PAXBP1: variants seen among roughly 807,000 people sequenced by gnomAD.
PAXBP1 encodes PAX3- and PAX7-binding protein 1.
Under a neutral mutation model 119.9 loss-of-function variants are expected in PAXBP1, and 44 were observed. The ratio of observed to expected loss-of-function variants is 0.37; its 90% confidence interval spans 0.29 to 0.47. The LOEUF is 0.47. PAXBP1 is among the 20% of genes least tolerant of loss of function. The probability of loss-of-function intolerance (pLI) is 0.99; values close to 1 mark genes in which losing one functional copy is unlikely to be tolerated. For missense variants in PAXBP1, 898 were observed against 1,134.1 expected (o/e 0.79, Z 2.99); for synonymous variants, 393 against 406.6 (o/e 0.97, Z 0.40).
At chr21:32,765,705 AT>A (rs988965767) in intron 2 of PAXBP1, among the ~76,000 whole-genome samples, 5 of 144,404 alleles carry the variant, frequency 3.5e-5, no homozygotes, top group African/African-American at 5.2e-5. Flanking sequence ...AGGCTCTTTC[AT>A]TTTTTTTCTT....
At chr21:32,768,033 C>T (rs1437927339) in intron 2 of PAXBP1, among the ~76,000 whole-genome samples, 2 of 152,130 alleles carry the variant, frequency 1.3e-5, no homozygotes, top group Non-Finnish European at 2.9e-5. Context: ...TATTCATAAC[C>T]AAGACACCCT....
intron 2 of PAXBP1, among the ~76,000 whole-genome samples, chr21:32,766,510 G>C (rs1392445465): frequency 6.6e-6 from 1 of 152,088 alleles, no homozygotes; most frequent in African/African-American, 2.4e-5. Context: ...TACAAAGAGG[G>C]ACAGGCTTCT....
intron 15 of PAXBP1, chr21:32,741,682 G>C (rs973675907): frequency 3.2e-6 from 2 of 632,222 alleles, no homozygotes; most frequent in African/African-American, 3.7e-5. Context: ...GAAAGGCAGA[G>C]GCAAAATTAA....
chr21:32,748,814 C>A, intron 10 of PAXBP1, 116 bp from the exon 11 acceptor site: 1 of 808,442 alleles, frequency 1.2e-6, no homozygotes, highest in Non-Finnish European at 1.9e-6. Flanking sequence ...CGCTCATTAA[C>A]AAAGGGCCAA....
At chr21:32,753,095 A>G (rs567851480) in intron 8 of PAXBP1, among the ~76,000 whole-genome samples, 9 of 152,282 alleles carry the variant, frequency 5.9e-5, no homozygotes, top group African/African-American at 2.2e-4. Context: ...CAGATGAATT[A>G]GCTAAAATAT....
chr21:32,737,113 A>T (rs575981751), intron 17 of PAXBP1, 141 bp downstream of exon 17: 6 of 662,408 alleles, frequency 9.1e-6, no homozygotes, highest in Non-Finnish European at 1.3e-5. Context: ...ATGAAAAATT[A>T]TGTGCATTTT....
intron 7 of PAXBP1, 140 bp from the exon 8 acceptor site, chr21:32,755,493 A>G (rs537095194): frequency 3.7e-6 from 4 of 1,078,866 alleles, no homozygotes; most frequent in African/African-American, 1.6e-5. Flanking sequence ...GCACACAAGT[A>G]GCAAATTCTG....
chr21:32,771,398 G>C lies in PAXBP1; in HGVS notation c.271C>G (p.Pro91Ala). ...TTGTTCTCGCGAGGCCTCTTGCGCG[G>C]CTTCAGCCCGTTGCCGGGCTCCGCG... is the stretch of plus-strand genomic sequence containing the variant. ...GGAEPGNGLKPRKRPRENKEV... is the reference protein window; with the variant it reads ...GGAEPGNGLKARKRPRENKEV... The change falls in exon 1 of 18, where the codon CCG (proline) becomes GCG (alanine). Residue 91 changes from proline (P) to alanine (A), a missense_variant. Pro to Ala is a conservative substitution (Grantham distance 27). Coordinates refer to ENST00000331923, the MANE Select transcript of PAXBP1 (RefSeq NM_016631.4). 1.9e-6 allele frequency: 3 copies of C among 1,560,326 alleles called. No individual in the cohort carries two copies. The highest frequency in any genetic ancestry group is 1.1e-5 in the South Asian group (1 of 88,144).
chr21:32,761,014 CT>C (rs1345767656), intron 5 of PAXBP1, 44 bp downstream of exon 5: 2 of 1,499,672 alleles, frequency 1.3e-6, no homozygotes, highest in African/African-American at 2.8e-5. Context: ...ATAAAAAAGG[CT>C]TTTTAATCTA....
At chr21:32,767,613 A>C (rs1435807890) in intron 2 of PAXBP1, among the ~76,000 whole-genome samples, 1 of 152,172 alleles carries the variant, frequency 6.6e-6, no homozygotes, top group African/African-American at 2.4e-5. Flanking sequence ...TTCCCGTGCC[A>C]TTCTCATGAC....
intron 15 of PAXBP1, 99 bp downstream of exon 15, chr21:32,743,149 C>T: frequency 1.2e-6 from 1 of 865,202 alleles, no homozygotes; most frequent in East Asian, 2.6e-5. Context: ...ATAAATAGAT[C>T]TAAGCCTATG....
In PAXBP1 at chr21:32,761,122, T is replaced by C; in HGVS notation, c.912A>G (p.Glu304=). ...GSDDDALVTG[E]QDEELSRWEQ... is the part of the protein sequence containing the mutation. ...CCCATCGGCTGAGCTCTTCATCCTG[T>C]TCTCCAGTTACTAAAGCATCATCAT... Residue 304 remains glutamate, a synonymous_variant, in exon 5 of 18, where the codon GAA becomes GAG. Coordinates refer to ENST00000331923, the MANE Select transcript of PAXBP1 (RefSeq NM_016631.4). 1.9e-6 allele frequency: 3 copies of C among 1,614,112 alleles called. No individual in the cohort carries two copies. Among genetic ancestry groups the C allele is most frequent in the East Asian group, 2.2e-5 (1 of 44,884 alleles).
intron 17 of PAXBP1, among the ~76,000 whole-genome samples, chr21:32,736,696 A>G (rs16989710): frequency 0.47 from 70,721 of 151,936 alleles, 16,614 homozygotes; most frequent in African/African-American, 0.52. Flanking sequence ...AATTCCTTCA[A>G]ACTGCCCTAC....
intron 4 of PAXBP1, among the ~76,000 whole-genome samples, chr21:32,761,608 T>G (rs1188661774): frequency 6.6e-6 from 1 of 152,260 alleles, no homozygotes; most frequent in Non-Finnish European, 1.5e-5. Context: ...TAAAATTTAG[T>G]AAGTCTAAAT....
intron 7 of PAXBP1, 193 bp from the exon 8 acceptor site, chr21:32,755,546 T>A: frequency 1.7e-6 from 1 of 573,828 alleles, no homozygotes; most frequent in Non-Finnish European, 2.9e-6. Flanking sequence ...AATCCATGCA[T>A]AGAGCTATAA....
intron 7 of PAXBP1, chr21:32,755,816 T>A (rs2146499926): frequency 6.2e-6 from 1 of 160,108 alleles, no homozygotes; most frequent in South Asian, 1.8e-4. Flanking sequence ...AGAACAAGAG[T>A]CTGCTAATTC....
intron 15 of PAXBP1, chr21:32,741,333 G>C: frequency 2.2e-6 from 1 of 451,392 alleles, no homozygotes; most frequent in Non-Finnish European, 4.0e-6. Flanking sequence ...ACTGACAAGA[G>C]GCAAATTAAC....
At chr21:32,767,296 C>T (rs1021411511) in intron 2 of PAXBP1, among the ~76,000 whole-genome samples, 1 of 152,158 alleles carries the variant, frequency 6.6e-6, no homozygotes, top group Non-Finnish European at 1.5e-5. Flanking sequence ...CAATTAATGA[C>T]AGACCTTCAT....
chr21:32,739,686 C>G (rs1366357927), intron 15 of PAXBP1, among the ~76,000 whole-genome samples: 8 of 151,818 alleles, frequency 5.3e-5, no homozygotes, highest in Admixed American at 5.2e-4. Context: ...GCGGGCAGAT[C>G]ACGAGGTCAG....
Sources: allele counts gnomAD v4.1 joint callset (sites outside exome capture counted in the v4.1 genomes callset), GRCh38; gene constraint gnomAD v4.1.1; transcripts MANE v1.5; gene names NCBI Gene and HGNC (gene_info 2026-07-23, HGNC 2026-07-21).